KLHL5: variants seen among roughly 807,000 people sequenced by gnomAD.
KLHL5 encodes kelch like family member 5, also known as kelch-like protein 5.
Under a neutral mutation model 77.7 loss-of-function variants are expected in KLHL5, and 48 were observed. The observed-to-expected ratio is 0.62, with a 90% confidence interval of 0.49 to 0.79. KLHL5 has a LOEUF of 0.79. Ranked by LOEUF, KLHL5 falls within the 30% of genes least tolerant of loss-of-function variation. The pLI, the probability that KLHL5 is intolerant of heterozygous loss-of-function variation, is 0.00. For synonymous variants in KLHL5, 260 were observed against 297.0 expected (o/e 0.88, Z 1.28); for missense variants, 723 against 859.7 (o/e 0.84, Z 1.99).
intron 1 of KLHL5, among the ~76,000 whole-genome samples, chr4:39,045,299 G>T (rs1389567210): frequency 6.7e-6 from 1 of 150,278 alleles, no homozygotes; most frequent in Non-Finnish European, 1.5e-5. Context: ...CCGCGCCCGG[G>T]GCTCGAACCC....
rs759658917 is a variant in KLHL5 at position 39,062,642 on chromosome 4, T to C, written c.-11T>C. On this transcript the variant is annotated 5_prime_UTR_variant, in exon 1 of 11. Coordinates refer to ENST00000504108, the MANE Select transcript of KLHL5 (RefSeq NM_015990.5). ...GCCCGTTGCCTAGACGATCACTTGG[T>C]TTCTCTGAGGATGTCTGGTTCTCGT... 312 of 1,614,032 alleles carry C rather than the reference T, an allele frequency of 1.9e-4. 1 individual carries two copies. In the Admixed American group the frequency reaches 5.2e-3, roughly 27 times the overall value.
At chr4:39,083,484 CAG>C (rs1371881116) in intron 4 of KLHL5, among the ~76,000 whole-genome samples, 1 of 152,166 alleles carries the variant, frequency 6.6e-6, no homozygotes, top group Non-Finnish European at 1.5e-5. Context: ...ATGATAGTCA[CAG>C]AGTCTCAACT....
chr4:39,134,914 T>C, the KLHL5 span, among the ~76,000 whole-genome samples: 10 of 152,162 alleles, frequency 6.6e-5, no homozygotes, highest in African/African-American at 1.4e-4. Context: ...TTTCATGTCA[T>C]TGAAGGGAGC....
rs781641231 is a variant in KLHL5 at position 39,062,963 on chromosome 4, A to T, written c.311A>T (p.His104Leu). 1.2e-6 allele frequency: 2 copies of T among 1,614,148 alleles called. No individual in the cohort carries two copies. The highest frequency in any genetic ancestry group is 1.7e-6 in the Non-Finnish European group (2 of 1,180,014). ...ACAGCAGAAGATTGTGGCGGTGCACATTGGCTGGATAGACCAGAAGTGGAT... is the reference window on the plus strand; with the variant it reads ...ACAGCAGAAGATTGTGGCGGTGCACTTTGGCTGGATAGACCAGAAGTGGAT... ...EFTAEDCGGA[H>L]WLDRPEVDDG... is the part of the protein sequence containing the mutation. The change falls in exon 1 of 11, where the codon CAT (histidine) becomes CTT (leucine). Residue 104 changes from histidine (H) to leucine (L), a missense_variant. Physicochemically the swap from His to Leu is moderately conservative, Grantham distance 99 (BLOSUM62 -3). Around this residue, in one of 3 missense-constraint regions of KLHL5, gnomAD observed 221 missense variants for 222.1 expected, o/e 1.00. Coordinates refer to ENST00000504108, the MANE Select transcript of KLHL5 (RefSeq NM_015990.5).
chr4:39,057,650 T>C (rs1717093794), upstream of KLHL5, among the ~76,000 whole-genome samples: 1 of 152,178 alleles, frequency 6.6e-6, no homozygotes, highest in Admixed American at 6.5e-5. Context: ...TTCAAAATCA[T>C]GCAATGCAAC....
At chr4:39,107,446 C>A in intron 7 of KLHL5, 123 bp from the exon 8 acceptor site, 1 of 315,926 alleles carries the variant, frequency 3.2e-6, no homozygotes, top group Non-Finnish European at 5.0e-6. Context: ...TTGTCTGCAT[C>A]ATAAATGTTT....
intron 1 of KLHL5, among the ~76,000 whole-genome samples, chr4:39,066,244 G>A (rs1187234602): frequency 6.6e-6 from 1 of 152,100 alleles, no homozygotes; most frequent in African/African-American, 2.4e-5. Context: ...TGAGCAATAG[G>A]ATCCTAAGTC....
intron 1 of KLHL5, among the ~76,000 whole-genome samples, chr4:39,053,578 T>C (rs1036762694): frequency 2.0e-5 from 3 of 152,166 alleles, no homozygotes; most frequent in Non-Finnish European, 4.4e-5. Flanking sequence ...TTTAATGATA[T>C]TACAGTTTTC....
chr4:39,063,255 A>G (rs1318258837), intron 1 of KLHL5, among the ~76,000 whole-genome samples: 1 of 152,064 alleles, frequency 6.6e-6, no homozygotes, highest in Non-Finnish European at 1.5e-5. Flanking sequence ...TCATTTTGAA[A>G]TATCTTGTGT....
Position 39,109,209 on chromosome 4 carries a change from CA to C in KLHL5, c.1688+1481del, listed in dbSNP as rs1393065949. Reference sequence around the variant, plus strand: ...CTTATCATTGCTTTGTGATTTAGAACAAATCATTTCTCTGTGCCTCAATTTT... The same window carrying C: ...CTTATCATTGCTTTGTGATTTAGAACAATCATTTCTCTGTGCCTCAATTTT... On this transcript the variant is annotated intron_variant, in intron 8 of 10. Coordinates refer to ENST00000504108, the MANE Select transcript of KLHL5 (RefSeq NM_015990.5). Among the ~76,000 whole-genome samples the C allele has an allele frequency of 8.5e-5, 13 of 152,076 alleles. 1 individual carries two copies. The East Asian group carries it at 2.5e-3, about 29-fold the overall frequency.
At chr4:39,087,180 G>A (rs1422187078) in intron 5 of KLHL5, among the ~76,000 whole-genome samples, 1 of 152,018 alleles carries the variant, frequency 6.6e-6, no homozygotes, top group Non-Finnish European at 1.5e-5. Flanking sequence ...CAAAGTGCTG[G>A]GATTACAGGC....
At chr4:39,098,428 G>A (rs550535944) in intron 6 of KLHL5, among the ~76,000 whole-genome samples, 13 of 146,510 alleles carry the variant, frequency 8.9e-5, no homozygotes, top group Non-Finnish European at 1.7e-4. Context: ...ACACATGCCT[G>A]ACTAATTTTT....
chr4:39,142,459 T>C, the KLHL5 span, among the ~76,000 whole-genome samples: 1 of 152,006 alleles, frequency 6.6e-6, no homozygotes, highest in Admixed American at 6.6e-5. Flanking sequence ...TCAGTACTTC[T>C]GAAAGAGTAT....
chr4:39,103,640 G>A, intron 7 of KLHL5, 129 bp downstream of exon 7: 1 of 704,806 alleles, frequency 1.4e-6, no homozygotes, highest in Non-Finnish European at 2.4e-6. Flanking sequence ...TTCCTCACAT[G>A]CTGCAATAAA....
intron 5 of KLHL5, among the ~76,000 whole-genome samples, chr4:39,095,653 A>G (rs1371019350): frequency 1.3e-5 from 2 of 151,856 alleles, no homozygotes; most frequent in Non-Finnish European, 2.9e-5. Context: ...ACATACTGAA[A>G]CAAAATTGAT....
the KLHL5 span, among the ~76,000 whole-genome samples, chr4:39,138,244 A>G: frequency 6.6e-6 from 1 of 152,194 alleles, no homozygotes; most frequent in Non-Finnish European, 1.5e-5. Flanking sequence ...CAGCAATACC[A>G]TTACTGGGTA....
intron 5 of KLHL5, among the ~76,000 whole-genome samples, chr4:39,091,022 C>G (rs1183545052): frequency 1.4e-5 from 2 of 141,066 alleles, no homozygotes; most frequent in African/African-American, 2.7e-5. Context: ...GAGTCTCACT[C>G]TGTTGCACAG....
At chr4:39,118,693 T>C (rs1193621100) in intron 10 of KLHL5, among the ~76,000 whole-genome samples, 1 of 151,866 alleles carries the variant, frequency 6.6e-6, no homozygotes, top group Non-Finnish European at 1.5e-5. Flanking sequence ...GAGGCAGAGG[T>C]TGCAGTAAGC....
intron 10 of KLHL5, 68 bp from the exon 11 acceptor site, chr4:39,120,942 A>G: frequency 8.3e-7 from 1 of 1,208,080 alleles, no homozygotes; most frequent in East Asian, 2.3e-5. Context: ...TCAATATTTC[A>G]CCAACTGGCA....
Sources: gnomAD v4.1 joint callset for allele counts (sites outside exome capture counted in the v4.1 genomes callset) on GRCh38, gnomAD v4.1.1 for gene constraint, gnomAD v4.1.1 regional missense constraint, MANE v1.5 for transcripts, NCBI Gene and HGNC (gene_info 2026-07-23, HGNC 2026-07-21) for gene names.